The following C16orf74 variants were observed in gnomAD, a reference collection of about 807,000 sequenced individuals.
The protein encoded by C16orf74 is uncharacterized protein C16orf74.
Under a neutral mutation model 6.5 loss-of-function variants are expected in C16orf74, and 10 were observed. That is an observed-to-expected ratio of 1.54 (90% CI 0.95 to 2.61). The LOEUF (loss-of-function observed/expected upper bound fraction) is 2.61, where lower values mean the gene tolerates loss of function less well. C16orf74 is among the 30% of genes most tolerant of loss of function. The probability of loss-of-function intolerance (pLI) is 0.00; values close to 1 mark genes in which losing one functional copy is unlikely to be tolerated. For synonymous variants in C16orf74, 60 were observed against 42.5 expected (o/e 1.41, Z -1.60); for missense variants, 141 against 105.9 (o/e 1.33, Z -1.45).
chr16:85,740,570 C>T (rs115414023), intron 1 of C16orf74, among the ~76,000 whole-genome samples: 47,822 of 151,482 alleles, frequency 0.32, 8,896 homozygotes, highest in East Asian at 0.66. Context: ...GGCGTGGTGG[C>T]GGGCCCAGCT....
chr16:85,708,205 C>T, intron 3 of C16orf74, 139 bp from the exon 4 acceptor site: 1 of 707,664 alleles, frequency 1.4e-6, no homozygotes, highest in South Asian at 1.8e-5. Flanking sequence ...GGGACCCAGC[C>T]CAGTGATGCT....
intron 2 of C16orf74, among the ~76,000 whole-genome samples, chr16:85,713,601 G>A (rs574271163): frequency 2.0e-4 from 31 of 152,114 alleles, no homozygotes; most frequent in Non-Finnish European, 2.8e-4. Context: ...AAGGACACCC[G>A]TCATATTGGA....
At chr16:85,747,793 A>G (rs2054390237) in intron 1 of C16orf74, among the ~76,000 whole-genome samples, 1 of 152,150 alleles carries the variant, frequency 6.6e-6, no homozygotes, top group Non-Finnish European at 1.5e-5. Context: ...CATACAAGAT[A>G]TACATTGGTT....
chr16:85,722,393 T>C (rs1413849442), intron 2 of C16orf74, among the ~76,000 whole-genome samples: 1 of 152,184 alleles, frequency 6.6e-6, no homozygotes, highest in Non-Finnish European at 1.5e-5. Context: ...CAGGGGAACA[T>C]GGGCCCTGTG....
chr16:85,741,311 T>C (rs372395), intron 1 of C16orf74, among the ~76,000 whole-genome samples: 100,230 of 152,036 alleles, frequency 0.66, 33,837 homozygotes, highest in Middle Eastern at 0.83. Flanking sequence ...CCTGAAGAGG[T>C]GTCTGGAACT....
intron 2 of C16orf74, among the ~76,000 whole-genome samples, chr16:85,713,669 C>T (rs970506745): frequency 7.9e-5 from 12 of 152,246 alleles, no homozygotes; most frequent in Non-Finnish European, 1.5e-5. Flanking sequence ...TGCAAAGACA[C>T]TACTCCCAAG....
chr16:85,737,833 A>C (rs1295536154), intron 1 of C16orf74, among the ~76,000 whole-genome samples: 1 of 152,200 alleles, frequency 6.6e-6, no homozygotes, highest in African/African-American at 2.4e-5. Flanking sequence ...CTCCATCTCA[A>C]AAACAAAAAA....
At chr16:85,744,237 A>AAG (rs1470659313) in intron 1 of C16orf74, 1 of 150,398 alleles carries the variant, frequency 6.6e-6, no homozygotes, top group African/African-American at 2.4e-5. Flanking sequence ...AAAAAAAAAA[A>AAG]AAAAAAAAAA....
intron 1 of C16orf74, chr16:85,743,387 AC>A (rs2054331595): frequency 6.6e-6 from 1 of 152,158 alleles, no homozygotes; most frequent in Admixed American, 6.6e-5. Flanking sequence ...ATGCCACTGA[AC>A]CCTAACAATG....
intron 2 of C16orf74, among the ~76,000 whole-genome samples, chr16:85,733,679 ACTGT>A (rs1012523535): frequency 3.3e-5 from 5 of 152,168 alleles, no homozygotes; most frequent in African/African-American, 1.2e-4. Flanking sequence ...CCTCTCAACC[ACTGT>A]CTGCTGCTGA....
chr16:85,712,083 C>A (rs1175182179), intron 2 of C16orf74, among the ~76,000 whole-genome samples: 1 of 152,184 alleles, frequency 6.6e-6, no homozygotes, highest in Admixed American at 6.5e-5. Flanking sequence ...AGCCAGCCAC[C>A]ATGTTACGAG....
At chr16:85,740,499 G>A (rs2054293006) in intron 1 of C16orf74, among the ~76,000 whole-genome samples, 1 of 152,008 alleles carries the variant, frequency 6.6e-6, no homozygotes, top group African/African-American at 2.4e-5. Context: ...TCAGGAGATC[G>A]AGACCATCCT....
At chr16:85,738,106 G>C (rs148391341) in intron 1 of C16orf74, among the ~76,000 whole-genome samples, 226 of 151,894 alleles carry the variant, frequency 1.5e-3, no homozygotes, top group African/African-American at 5.2e-3. Context: ...TTAGTCAAGT[G>C]TGGTGGCCTG....
intron 2 of C16orf74, among the ~76,000 whole-genome samples, chr16:85,720,116 G>A (rs1272554669): frequency 1.3e-5 from 2 of 151,782 alleles, no homozygotes; most frequent in Non-Finnish European, 1.5e-5. Context: ...GGCTGGGGTA[G>A]CTCTTGGCGG....
Position 85,710,194 on chromosome 16 carries a change from T to C in C16orf74, c.142A>G (p.Met48Val). ...CTCCCCAAGTCCCTCGGCAGCATCATGCCCGTGGGGGTGGGGGGCGTGATG... is the reference window on the plus strand; with the variant it reads ...CTCCCCAAGTCCCTCGGCAGCATCACGCCCGTGGGGGTGGGGGGCGTGATG... ...IIITPPTPTG[M>V]MLPRDLGSTV... Residue 48 changes from methionine to valine, a missense_variant, in exon 3 of 4, where the codon ATG (methionine) becomes GTG (valine). Met to Val is a conservative substitution (Grantham distance 21). Transcript: ENST00000284245. 6.7e-7 allele frequency: 1 copy of C among 1,486,210 alleles called. No individual in the cohort carries two copies. Among genetic ancestry groups the C allele is most frequent in the Middle Eastern group, 1.8e-4 (1 of 5,616 alleles). The allele number at this position is 1,486,210 out of a possible 1,614,324, so 92.1% of individuals were successfully genotyped here. A position where few individuals can be genotyped will look rare whatever the true frequency, so the allele number is the denominator to read the frequency against.
chr16:85,716,680 G>T (rs1304764560), intron 2 of C16orf74, among the ~76,000 whole-genome samples: 1 of 148,078 alleles, frequency 6.8e-6, no homozygotes, highest in African/African-American at 2.5e-5. Flanking sequence ...AGGGAAGGAG[G>T]AGGAAGGCGA....
intron 2 of C16orf74, among the ~76,000 whole-genome samples, chr16:85,719,586 G>A (rs2054058730): frequency 6.6e-6 from 1 of 152,124 alleles, no homozygotes; most frequent in Admixed American, 6.5e-5. Context: ...GGGGCTGGAA[G>A]CACAAAGATA....
At position 85,710,664 on chromosome 16, in the gene C16orf74, C is replaced by A. The variant is rs1338983605; in HGVS notation, c.29-357G>T. The stretch of plus-strand genomic sequence containing the variant: ...TCTCCACAGCGCTCCAGCCTCCACT[C>A]TCCAAAGTGCTCACACTTCCCCAGA... On this transcript the variant is annotated intron_variant, in intron 2 of 3. Coordinates refer to ENST00000284245, the MANE Select transcript of C16orf74 (RefSeq NM_206967.3). 3.6e-5 allele frequency: 8 copies of A among 222,496 alleles called. No homozygotes were observed. In the South Asian group the frequency reaches 5.2e-4, roughly 15 times the overall value. 13.8% of individuals were successfully genotyped at this position (222,496 alleles called of 1,614,324 possible).
intron 1 of C16orf74, among the ~76,000 whole-genome samples, chr16:85,738,758 G>A (rs909376332): frequency 2.0e-5 from 3 of 152,066 alleles, no homozygotes; most frequent in Admixed American, 6.5e-5. Flanking sequence ...GCCCAGGCCT[G>A]TGGGAGCGAC....
Sources: gnomAD v4.1 joint callset for allele counts (sites outside exome capture counted in the v4.1 genomes callset) on GRCh38, gnomAD v4.1.1 for gene constraint, MANE v1.5 for transcripts, NCBI Gene and HGNC (gene_info 2026-07-23, HGNC 2026-07-21) for gene names.